Variants in DIP2B observed in about 807,000 individuals in gnomAD.
The protein encoded by DIP2B is DIP2 acetate--CoA ligase B (putative).
DIP2B carries 76 observed loss-of-function variants against 198.0 expected under a neutral mutation model. The ratio of observed to expected loss-of-function variants is 0.38; its 90% confidence interval spans 0.32 to 0.46. The LOEUF (loss-of-function observed/expected upper bound fraction) is 0.46. Ranked by LOEUF, DIP2B falls within the 20% of genes least tolerant of loss-of-function variation. The pLI, the probability that DIP2B is intolerant of heterozygous loss-of-function variation, is 0.99. For missense variants in DIP2B, 1,559 were observed against 1,978.4 expected (o/e 0.79, Z 4.02); for synonymous variants, 701 against 739.1 (o/e 0.95, Z 0.84).
intron 1 of DIP2B, among the ~76,000 whole-genome samples, chr12:50,586,975 A>G (rs2139425302): frequency 6.6e-6 from 1 of 152,362 alleles, no homozygotes; most frequent in African/African-American, 2.4e-5. Flanking sequence ...TGGGTTCTCA[A>G]GACATCACCT....
chr12:50,736,939 C>A, intron 34 of DIP2B, 97 bp from the exon 35 acceptor site: 1 of 1,174,210 alleles, frequency 8.5e-7, no homozygotes, highest in Non-Finnish European at 1.3e-6. Flanking sequence ...GCCATGTGTG[C>A]CTCTCTCACC....
rs562083624 is a variant in DIP2B at position 50,706,613 on chromosome 12, A to G, written c.2482A>G (p.Ile828Val). The change falls in exon 21 of 38, where the codon ATT becomes GTT. Residue 828 changes from isoleucine to valine, a missense_variant. Coordinates refer to ENST00000301180, the MANE Select transcript of DIP2B (RefSeq NM_173602.3). The part of the protein sequence containing the change: ...VSGRRHNADD[I>V]VATGLAVESI... ...TGGTCGAAGACATAATGCTGATGACATTGTTGCTACTGGATTGGCTGTAGA... is the reference window on the plus strand; with the variant it reads ...TGGTCGAAGACATAATGCTGATGACGTTGTTGCTACTGGATTGGCTGTAGA... 6.2e-7 allele frequency: 1 copy of G among 1,614,114 alleles called. No homozygotes were observed. The highest frequency in any genetic ancestry group is 1.3e-5 in the African/African-American group (1 of 75,056).
intron 1 of DIP2B, among the ~76,000 whole-genome samples, chr12:50,547,043 C>A (rs1958383962): frequency 6.6e-6 from 1 of 152,140 alleles, no homozygotes; most frequent in Non-Finnish European, 1.5e-5. Flanking sequence ...TCTTTTTTGA[C>A]CTTCGTGGTA....
chr12:50,679,495 G>A (rs1351023699), intron 8 of DIP2B: 1 of 152,484 alleles, frequency 6.6e-6, no homozygotes. Flanking sequence ...AAAGAATTAC[G>A]CAGGTTGACA....
intron 1 of DIP2B, among the ~76,000 whole-genome samples, chr12:50,513,960 G>A (rs1958041035): frequency 6.6e-6 from 1 of 151,624 alleles, no homozygotes; most frequent in Non-Finnish European, 1.5e-5. Flanking sequence ...GACTTAATTG[G>A]TCTGATTGTA....
intron 35 of DIP2B, among the ~76,000 whole-genome samples, chr12:50,738,937 C>T (rs1273120900): frequency 6.6e-6 from 1 of 152,234 alleles, no homozygotes; most frequent in African/African-American, 2.4e-5. Flanking sequence ...AGCTATCGCT[C>T]TGTTTATATT....
intron 1 of DIP2B, 34 bp downstream of exon 1, chr12:50,505,274 C>A: frequency 7.0e-7 from 1 of 1,434,850 alleles, no homozygotes; most frequent in Non-Finnish European, 9.1e-7. Flanking sequence ...GCGCCCGGGG[C>A]CCTGCGGATC....
chr12:50,694,006 C>A (rs1939263947), intron 14 of DIP2B, among the ~76,000 whole-genome samples: 1 of 152,056 alleles, frequency 6.6e-6, no homozygotes, highest in African/African-American at 2.4e-5. Context: ...TTGCATGACC[C>A]CTCAACACCT....
chr12:50,534,345 A>C (rs1593586799), intron 1 of DIP2B, among the ~76,000 whole-genome samples: 1 of 145,066 alleles, frequency 6.9e-6, no homozygotes, highest in African/African-American at 2.6e-5. Flanking sequence ...CAATGACTGG[A>C]CTCTTTTTAC....
Position 50,596,849 on chromosome 12 carries a change from G to T in DIP2B, c.101-29127G>T, listed in dbSNP as rs1323106569. ...TCTTATTTACGTGTTTTTAAAAATA[G>T]CTGTCACTTGTCTTGGTTAGTTATA... On this transcript the variant is annotated intron_variant, in intron 1 of 37. Coordinates refer to ENST00000301180, the MANE Select transcript of DIP2B (RefSeq NM_173602.3). Among the ~76,000 whole-genome samples the T allele has an allele frequency of 2.0e-5, 3 of 152,096 alleles. No homozygotes were observed. In the East Asian group the frequency reaches 5.8e-4, roughly 29 times the overall value.
At chr12:50,674,960 C>G (rs1376519046) in intron 6 of DIP2B, among the ~76,000 whole-genome samples, 1 of 152,120 alleles carries the variant, frequency 6.6e-6, no homozygotes, top group Non-Finnish European at 1.5e-5. Context: ...GTCAGGAGAT[C>G]GAGACCATCC....
chr12:50,658,265 T>A (rs1221868444), intron 3 of DIP2B, among the ~76,000 whole-genome samples: 1 of 151,944 alleles, frequency 6.6e-6, no homozygotes, highest in East Asian at 1.9e-4. Flanking sequence ...GCCTCCTGAG[T>A]AGCTGGAATT....
Position 50,735,066 on chromosome 12 carries a change from T to C in DIP2B, c.4044-7T>C, listed in dbSNP as rs757167770. The C allele has an allele frequency of 1.1e-5, 18 of 1,614,132 alleles. No individual in the cohort carries two copies. The Admixed American group carries it at 3.0e-4, about 27-fold the overall frequency. On this transcript the variant is annotated splice_polypyrimidine_tract_variant and splice_region_variant and intron_variant, in intron 33 of 37. Coordinates refer to ENST00000301180, the MANE Select transcript of DIP2B (RefSeq NM_173602.3). ...CCCTATATATAGTAAATACCGTTCT[T>C]CTGCAGGGTTCGTCTCGTGGAACGT...
chr12:50,507,421 A>G (rs1957977444), intron 1 of DIP2B, among the ~76,000 whole-genome samples: 1 of 152,140 alleles, frequency 6.6e-6, no homozygotes, highest in Non-Finnish European at 1.5e-5. Flanking sequence ...AAGTCCCCAT[A>G]TCTGTGTAGT....
At chr12:50,603,808 A>C (rs4238106) in intron 1 of DIP2B, among the ~76,000 whole-genome samples, 42,292 of 152,032 alleles carry the variant, frequency 0.28, 6,162 homozygotes, top group East Asian at 0.39. Flanking sequence ...CATTTTATTT[A>C]TTAGGAAGAT....
intron 27 of DIP2B, among the ~76,000 whole-genome samples, chr12:50,724,294 G>A (rs1185277621): frequency 1.3e-5 from 2 of 152,228 alleles, no homozygotes; most frequent in African/African-American, 2.4e-5. Context: ...CTGGGCAAGA[G>A]AACCTAGTTT....
Position 50,744,598 on chromosome 12 carries a change from C to G in DIP2B, c.4490C>G (p.Thr1497Arg), listed in dbSNP as rs891104539. 6.2e-7 allele frequency: 1 copy of G among 1,613,792 alleles called. No individual in the cohort carries two copies. The highest frequency in any genetic ancestry group is 1.1e-5 in the South Asian group (1 of 91,074). The change falls in exon 38 of 38, where the codon ACA becomes AGA. Residue 1497 changes from threonine to arginine, a missense_variant. By Grantham distance (71) the Thr-to-Arg change is moderately conservative (BLOSUM62 -1). Transcript: ENST00000301180. ...HRSIAECAVF[T>R]WTNLLVVVVE... ...CATTGAAATTTCAGTGCCGTGTTCA[C>G]ATGGACCAACTTGCTTGTGGTGGTT... is the stretch of plus-strand genomic sequence containing the variant.
At chr12:50,563,745 C>CT (rs1194538750) in intron 1 of DIP2B, among the ~76,000 whole-genome samples, 2 of 151,942 alleles carry the variant, frequency 1.3e-5, no homozygotes. Flanking sequence ...AGCCTGCCAC[C>CT]TTTCCCTCCC....
At chr12:50,691,573 TA>T (rs1346032843) in intron 13 of DIP2B, among the ~76,000 whole-genome samples, 1 of 152,242 alleles carries the variant, frequency 6.6e-6, no homozygotes, top group Non-Finnish European at 1.5e-5. Flanking sequence ...CATAATTGCA[TA>T]AACCACTATT....
Sources: allele counts gnomAD v4.1 joint callset (sites outside exome capture counted in the v4.1 genomes callset), GRCh38; gene constraint gnomAD v4.1.1; transcripts MANE v1.5; gene names NCBI Gene and HGNC (gene_info 2026-07-23, HGNC 2026-07-21).